The following PHACTR2 variants were observed in gnomAD, a reference collection of about 807,000 sequenced individuals.
The protein encoded by PHACTR2 is chromosome 6 open reading frame 56.
A neutral mutation model predicts 76.0 loss-of-function variants in PHACTR2; 30 were observed. The ratio of observed to expected loss-of-function variants is 0.39; its 90% CI spans 0.30 to 0.54. The LOEUF (loss-of-function observed/expected upper bound fraction) is 0.54. PHACTR2 is among the 20% of genes least tolerant of loss of function. The pLI is 0.61. For missense variants in PHACTR2, 696 were observed against 781.1 expected (o/e 0.89, Z 1.30); for synonymous variants, 292 against 292.5 (o/e 1.00, Z 0.02).
At position 143,585,494 on chromosome 6, in the gene PHACTR2, C is replaced by T. The variant is rs1276269716; in HGVS notation, c.217+48287C>T. The stretch of plus-strand genomic sequence containing the variant: ...AACCTAGGGCTTCAGGAGTAAGGAA[C>T]TGGATTCAGAAACAAGAGCTGCCAG... On this transcript the variant is annotated intron_variant, in intron 1 of 11. Coordinates refer to the PHACTR2 transcript ENST00000367584. The surrounding 1 kb of genome is among the most constrained non-coding windows in gnomAD (Gnocchi z 5.2). 1.3e-5 allele frequency among the ~76,000 whole-genome samples: 2 copies of T among 152,172 alleles called. No homozygotes were observed. The highest frequency in any genetic ancestry group is 2.9e-5 in the Non-Finnish European group (2 of 68,034).
rs1775978399 is a variant in PHACTR2 at position 143,611,735 on chromosome 6, G to A, written c.13+3413G>A. On this transcript the variant is annotated intron_variant, in intron 1 of 11. Transcript: ENST00000305766. This position sits in a 1 kb window ranked among gnomAD's most constrained non-coding sequence, Gnocchi z 4.4. Reference sequence around the variant, plus strand: ...ACAAATAAATATATGCTCCAGCAGCGTGGCTCTGAAAGTGGTGTGGATGAC... The same window carrying A: ...ACAAATAAATATATGCTCCAGCAGCATGGCTCTGAAAGTGGTGTGGATGAC... Among the ~76,000 whole-genome samples the A allele has an allele frequency of 1.3e-5, 2 of 152,174 alleles. No homozygotes were observed. Among genetic ancestry groups the A allele is most frequent in the Admixed American group, 6.5e-5 (1 of 15,278 alleles).
intron 2 of PHACTR2, 138 bp downstream of exon 2, chr6:143,712,321 A>G (rs1220160666): frequency 2.0e-6 from 1 of 506,704 alleles, no homozygotes; most frequent in East Asian, 3.6e-5. Flanking sequence ...TTTTAAGAAT[A>G]AAATAAGGAT....
chr6:143,729,312 CAG>C (rs1186056772), intron 2 of PHACTR2, among the ~76,000 whole-genome samples: 1 of 152,100 alleles, frequency 6.6e-6, no homozygotes, highest in African/African-American at 2.4e-5. Context: ...ATTCTTATAA[CAG>C]TACCTTTTGC....
At chr6:143,702,296 A>G (rs1164517275) in intron 1 of PHACTR2, among the ~76,000 whole-genome samples, 1 of 152,012 alleles carries the variant, frequency 6.6e-6, no homozygotes, top group African/African-American at 2.4e-5. Context: ...TTTAGTAGAG[A>G]TGAGGTTTCA....
At chr6:143,593,466 A>G (rs1775716384) in intron 1 of PHACTR2, among the ~76,000 whole-genome samples, 1 of 151,822 alleles carries the variant, frequency 6.6e-6, no homozygotes, top group Non-Finnish European at 1.5e-5. Flanking sequence ...TACAGAAGAG[A>G]CTCTTAGTTC....
chr6:143,815,378 T>C (rs1041458894), intron 12 of PHACTR2, among the ~76,000 whole-genome samples: 2 of 151,992 alleles, frequency 1.3e-5, no homozygotes, highest in Admixed American at 1.3e-4. Flanking sequence ...ATCCGGCCAC[T>C]GCACTCCAGC....
At chr6:143,601,653 G>A (rs750219180) in intron 1 of PHACTR2, among the ~76,000 whole-genome samples, 1 of 152,176 alleles carries the variant, frequency 6.6e-6, no homozygotes, top group Non-Finnish European at 1.5e-5. Context: ...TAGTTTTCCA[G>A]CCACCAGGGC....
intron 5 of PHACTR2, among the ~76,000 whole-genome samples, chr6:143,762,646 T>A (rs553461168): frequency 1.3e-5 from 2 of 152,354 alleles, no homozygotes; most frequent in Non-Finnish European, 2.9e-5. Flanking sequence ...TCTAGAAAAG[T>A]TTGTTCAAAT....
Position 143,820,428 on chromosome 6 carries a change from T to C in PHACTR2, c.1923-3246T>C, listed in dbSNP as rs944504066. The stretch of plus-strand genomic sequence containing the variant: ...GGTGGAGATCTATACTGGGTAAACA[T>C]TCCCGTTCCCAAAGGGAGAAATCAG... On this transcript the variant is annotated intron_variant, in intron 12 of 12. Coordinates refer to ENST00000440869, the MANE Select transcript of PHACTR2 (RefSeq NM_001100164.2). This position sits in a 1 kb window ranked among gnomAD's most constrained non-coding sequence, Gnocchi z 4.2. Among the ~76,000 whole-genome samples, 3 of 152,178 alleles carry C rather than the reference T, an allele frequency of 2.0e-5. No individual in the cohort carries two copies. Among genetic ancestry groups the C allele is most frequent in the African/African-American group, 7.2e-5 (3 of 41,436 alleles).
In PHACTR2 at chr6:143,730,890, G is replaced by A. The variant is rs1288610895; in HGVS notation, c.215-18095G>A. On this transcript the variant is annotated intron_variant, in intron 2 of 12. Transcript: ENST00000440869. The surrounding 1 kb of genome is among the most constrained non-coding windows in gnomAD (Gnocchi z 4.8). Reference sequence around the variant, plus strand: ...AGCCTCCTGAGTAGCTGGGACTACAGGCACGTGCCACTGCACCTGGCTAAT... The same window carrying A: ...AGCCTCCTGAGTAGCTGGGACTACAAGCACGTGCCACTGCACCTGGCTAAT... Among the ~76,000 whole-genome samples the A allele has an allele frequency of 6.6e-6, 1 of 152,136 alleles. No individual in the cohort carries two copies. The highest frequency in any genetic ancestry group is 2.4e-5 in the African/African-American group (1 of 41,434).
chr6:143,777,423 G>T lies in PHACTR2; in HGVS notation c.1645+40G>T. The T allele has an allele frequency of 9.4e-7, 1 of 1,063,268 alleles. No homozygotes were observed. 65.9% of individuals were successfully genotyped at this position (1,063,268 alleles called of 1,614,324 possible). On this transcript the variant is annotated intron_variant, in intron 9 of 12. Coordinates refer to ENST00000440869, the MANE Select transcript of PHACTR2 (RefSeq NM_001100164.2). The surrounding 1 kb of genome is among the most constrained non-coding windows in gnomAD (Gnocchi z 4.6). ...CTATAGAATGATTCCTTGTGTAATC[G>T]CTAACAAGCTGCCTCTACAGATGAT...
In PHACTR2 at chr6:143,712,179, G is replaced by T. The variant is rs201524736; in HGVS notation, c.210G>T (p.Ser70=). The T allele has an allele frequency of 4.1e-5, 63 of 1,520,658 alleles. No homozygotes were observed. In the African/African-American group the frequency reaches 8.4e-4, roughly 20 times the overall value. The allele number at this position is 1,520,658 out of a possible 1,614,324, so 94.2% of individuals were successfully genotyped here. The change falls in exon 2 of 13, where the codon TCG becomes TCT. Residue 70 remains serine, a synonymous_variant. Transcript: ENST00000440869. Reference sequence around the variant, plus strand: ...CCAGCGACAAATTTAGAGAAACCTCGGCAGGTATGAGTATCATAACTTGTT... The same window carrying T: ...CCAGCGACAAATTTAGAGAAACCTCTGCAGGTATGAGTATCATAACTTGTT... ...KKTSDKFRET[S]AVLERKISTR...
In PHACTR2 at chr6:143,621,505, A is replaced by G. The variant is rs1012601635; in HGVS notation, c.13+13183A>G. ...TATTTTAATTGGTATTTTGCATGAG[A>G]ATCATTAAATTGCAACTCTTTCTTA... On this transcript the variant is annotated intron_variant, in intron 1 of 11. Coordinates refer to the PHACTR2 transcript ENST00000305766. The surrounding 1 kb of genome is among the most constrained non-coding windows in gnomAD (Gnocchi z 4.1). 6.6e-6 allele frequency among the ~76,000 whole-genome samples: 1 copy of G among 152,200 alleles called. No individual in the cohort carries two copies. Among genetic ancestry groups the G allele is most frequent in the Non-Finnish European group, 1.5e-5 (1 of 68,034 alleles).
rs1029916360 is a variant in PHACTR2 at position 143,619,459 on chromosome 6, T to C, written c.13+11137T>C. 2.6e-5 allele frequency among the ~76,000 whole-genome samples: 4 copies of C among 152,220 alleles called. No homozygotes were observed. The East Asian group carries it at 7.7e-4, about 29-fold the overall frequency. ...TGCCAGTGTGAAAGCACATTATTATTAGAATGCTAAAGATCTTGTGCCTTG... is the reference window on the plus strand; with the variant it reads ...TGCCAGTGTGAAAGCACATTATTATCAGAATGCTAAAGATCTTGTGCCTTG... On this transcript the variant is annotated intron_variant, in intron 1 of 11. Coordinates refer to the PHACTR2 transcript ENST00000305766. This position sits in a 1 kb window ranked among gnomAD's most constrained non-coding sequence, Gnocchi z 4.5.
At chr6:143,735,257 C>T (rs748820263) in intron 2 of PHACTR2, among the ~76,000 whole-genome samples, 47 of 151,264 alleles carry the variant, frequency 3.1e-4, no homozygotes, top group Non-Finnish European at 4.9e-4. Context: ...TAAGACAGGG[C>T]GTAAGAGGCT....
intron 12 of PHACTR2, chr6:143,810,466 G>T (rs1247840790): frequency 1.3e-5 from 5 of 385,938 alleles, no homozygotes; most frequent in Admixed American, 5.4e-5. Flanking sequence ...TGGTCGAGAG[G>T]TTTATATTCT....
intron 11 of PHACTR2, among the ~76,000 whole-genome samples, chr6:143,805,475 G>A (rs779541684): frequency 1.3e-4 from 12 of 91,620 alleles, no homozygotes; most frequent in Middle Eastern, 5.9e-3. Context: ...GTGAAACTCC[G>A]TCTCAAAAAA....
upstream of PHACTR2, among the ~76,000 whole-genome samples, chr6:143,605,491 G>T (rs868716376): frequency 6.6e-6 from 1 of 151,788 alleles, no homozygotes. The surrounding 1 kb of genome is among the most constrained non-coding windows in gnomAD (Gnocchi z 5.0). Context: ...TGAGGAAAAT[G>T]GTCCACTTAC....
rs569421102 is a variant in PHACTR2, at chr6:143,757,985, ACACATAACT to A, written c.455-2415_455-2407del. On this transcript the variant is annotated intron_variant, in intron 4 of 12. Coordinates refer to ENST00000440869, the MANE Select transcript of PHACTR2 (RefSeq NM_001100164.2). The surrounding 1 kb of genome is among the most constrained non-coding windows in gnomAD (Gnocchi z 4.2). The stretch of plus-strand genomic sequence containing the variant: ...CGCGCACACACACACACACACACAC[ACACATAACT>A]TAAGAATTACCAGAATGACAAATGT... Among the ~76,000 whole-genome samples, 3,496 of 149,490 alleles carry A rather than the reference ACACATAACT, an allele frequency of 0.023. 139 individuals are homozygous for A. Among genetic ancestry groups the A allele is most frequent in the African/African-American group, 0.085 (3,324 of 39,064 alleles).
Sources: allele counts gnomAD v4.1 joint callset (sites outside exome capture counted in the v4.1 genomes callset), GRCh38; gene constraint gnomAD v4.1.1; non-coding constraint Gnocchi (gnomAD v3.1); transcripts MANE v1.5; gene names NCBI Gene and HGNC (gene_info 2026-07-23, HGNC 2026-07-21).